Variants in PTPRC observed in about 807,000 individuals in gnomAD.
PTPRC encodes protein tyrosine phosphatase receptor type C.
A neutral mutation model predicts 155.9 loss-of-function variants in PTPRC; 44 were observed. The observed-to-expected ratio is 0.28, with a 90% CI of 0.22 to 0.36. The LOEUF is 0.36. Among genes scored for constraint, PTPRC ranks in the 10% least tolerant of loss-of-function variants. The pLI is 1.00. For missense variants in PTPRC, 1,401 were observed against 1,564.6 expected (o/e 0.90, Z 1.76); for synonymous variants, 525 against 533.1 (o/e 0.98, Z 0.21).
chr1:198,672,618 C>T (rs572612062), intron 2 of PTPRC, among the ~76,000 whole-genome samples: 10 of 151,540 alleles, frequency 6.6e-5, no homozygotes, highest in Admixed American at 2.6e-4. Flanking sequence ...TACAGGTGCA[C>T]GCCACCATGC....
rs777819751 is a variant in PTPRC at position 198,755,081 on chromosome 1, A to G, written c.3645+677A>G. 8.0e-4 allele frequency among the ~76,000 whole-genome samples: 121 copies of G among 152,116 alleles called. 1 individual carries two copies. The highest frequency in any genetic ancestry group is 2.0e-4 in the Admixed American group (3 of 15,250). ...AGGCCCAGGCTTAAAAGTGACACAC[A>G]TGTCTTCTTCTGTATGTTATTAGCC... On this transcript the variant is annotated intron_variant, in intron 32 of 32. Coordinates refer to ENST00000442510, the MANE Select transcript of PTPRC (RefSeq NM_002838.5).
intron 3 of PTPRC, among the ~76,000 whole-genome samples, chr1:198,693,701 G>A (rs1384037437): frequency 6.6e-6 from 1 of 152,206 alleles, no homozygotes; most frequent in Non-Finnish European, 1.5e-5. Flanking sequence ...CAAAGTGGAG[G>A]TTCAAGAACA....
At position 198,699,611 on chromosome 1, in the gene PTPRC, C is replaced by T; in HGVS notation, c.346C>T (p.Gln116Ter). ...TPHLPTHADSQTPSAGTDTQT... is the reference protein window; with the variant it reads ...TPHLPTHADS The stretch of plus-strand genomic sequence containing the variant: ...TCACCTTCCCACGCACGCAGACTCG[C>T]AGACGCCCTCTGCTGGAACTGACAC... The change falls in exon 5 of 33, where the codon CAG becomes TAG. Residue 116 changes from glutamine to a stop codon, truncating the protein, a stop_gained. Coordinates refer to ENST00000442510, the MANE Select transcript of PTPRC (RefSeq NM_002838.5). LOFTEE classifies it high-confidence loss of function. 6.2e-7 allele frequency: 1 copy of T among 1,614,228 alleles called. No individual in the cohort carries two copies. Among genetic ancestry groups the T allele is most frequent in the Non-Finnish European group, 8.5e-7 (1 of 1,180,038 alleles).
rs1653773353 is a variant in PTPRC, at chr1:198,719,501, T to G, written c.1659+1199T>G. ...TTTTTAAACAAATGTATCTGTCACTTTTATTCCTGTTAAATAGAAATTTCC... is the reference window on the plus strand; with the variant it reads ...TTTTTAAACAAATGTATCTGTCACTGTTATTCCTGTTAAATAGAAATTTCC... On this transcript the variant is annotated intron_variant, in intron 14 of 32. Transcript: ENST00000442510. Among the ~76,000 whole-genome samples, 3 of 152,214 alleles carry G rather than the reference T, an allele frequency of 2.0e-5. No homozygotes were observed. The South Asian group carries it at 6.2e-4, about 32-fold the overall frequency.
chr1:198,720,473 G>A (rs1310850285), intron 14 of PTPRC, among the ~76,000 whole-genome samples: 3 of 152,048 alleles, frequency 2.0e-5, no homozygotes, highest in Non-Finnish European at 4.4e-5. Flanking sequence ...GGGATTACAG[G>A]CATGCACCAC....
intron 29 of PTPRC, 89 bp downstream of exon 29, chr1:198,750,715 A>G: frequency 6.6e-7 from 1 of 1,511,354 alleles, no homozygotes; most frequent in South Asian, 1.1e-5. Context: ...CGCCATACCC[A>G]CGTCTTTTTT....
rs79980558 is a variant in PTPRC, at chr1:198,721,099, C to A, written c.1660-1317C>A. ...GGAGATAATTATTCAGTTTCGAATT[C>A]TCTTCCCCCAATCTTCAAAAGATGG... On this transcript the variant is annotated intron_variant, in intron 14 of 32. Coordinates refer to ENST00000442510, the MANE Select transcript of PTPRC (RefSeq NM_002838.5). Among the ~76,000 whole-genome samples the A allele has an allele frequency of 8.9e-4, 135 of 152,278 alleles. 1 individual carries two copies. The South Asian group carries it at 0.014, about 16-fold the overall frequency.
In PTPRC at chr1:198,752,337, A is replaced by G. The variant is rs779041130; in HGVS notation, c.3296A>G (p.Tyr1099Cys). ...DLKDTDKSSTYTLRVFELRHS... is the reference protein window; with the variant it reads ...DLKDTDKSSTCTLRVFELRHS... ...AAAGACACAGACAAATCTTCAACTT[A>G]TACCCTTCGTGTCTTTGAACTGAGA... is the stretch of plus-strand genomic sequence containing the variant. The change falls in exon 30 of 33, where the codon TAT becomes TGT. Residue 1099 changes from tyrosine (Y) to cysteine (C), a missense_variant. By Grantham distance (194) the Tyr-to-Cys change is radical. This residue lies in a region of PTPRC where 400 missense variants were observed against 389.5 expected (regional missense o/e 1.03). Coordinates refer to ENST00000442510, the MANE Select transcript of PTPRC (RefSeq NM_002838.5). 2.5e-6 allele frequency: 4 copies of G among 1,612,766 alleles called. No individual in the cohort carries two copies. The highest frequency in any genetic ancestry group is 2.5e-6 in the Non-Finnish European group (3 of 1,179,226).
At position 198,742,041 on chromosome 1, in the gene PTPRC, C is replaced by CAAAA. The variant is rs370217220; in HGVS notation, c.2561+24_2561+27dup. The CAAAA allele has an allele frequency of 5.1e-5, 68 of 1,337,808 alleles. No individual in the cohort carries two copies. The African/African-American group carries it at 9.8e-4, about 19-fold the overall frequency. 82.9% of individuals were successfully genotyped at this position (1,337,808 alleles called of 1,614,324 possible). ...GTGCACTGCAGGTAGGAAAAACGAA[C>CAAAA]AAAAAAAAAAAACAACAACAAAAAA... On this transcript the variant is annotated intron_variant, in intron 24 of 32. Transcript: ENST00000442510.
intron 5 of PTPRC, among the ~76,000 whole-genome samples, chr1:198,701,976 C>T (rs952619290): frequency 3.9e-5 from 6 of 152,228 alleles, no homozygotes; most frequent in Non-Finnish European, 7.3e-5. Flanking sequence ...AGTTGCACTT[C>T]CTCCTGTGCC....
Position 198,692,701 on chromosome 1 carries a change from A to G in PTPRC, c.100+328A>G, listed in dbSNP as rs1055645735. On this transcript the variant is annotated intron_variant, in intron 3 of 32. Transcript: ENST00000442510. Reference sequence around the variant, plus strand: ...AAAAATGCATTTAAATTAGATAACAAAATTTTATAGTCTGAAAGCAGGTTA... The same window carrying G: ...AAAAATGCATTTAAATTAGATAACAGAATTTTATAGTCTGAAAGCAGGTTA... The G allele has an allele frequency of 2.7e-5, 25 of 932,594 alleles. 1 individual carries two copies. In the South Asian group the frequency reaches 1.2e-3, roughly 44 times the overall value. 57.8% of individuals were successfully genotyped at this position (932,594 alleles called of 1,614,324 possible).
intron 7 of PTPRC, among the ~76,000 whole-genome samples, chr1:198,704,111 T>A (rs1666607069): frequency 6.6e-6 from 1 of 152,198 alleles, no homozygotes; most frequent in Non-Finnish European, 1.5e-5. Context: ...ATGGGGGTTA[T>A]AATTATATAA....
chr1:198,650,477 T>A (rs191462883), intron 2 of PTPRC, among the ~76,000 whole-genome samples: 56 of 151,978 alleles, frequency 3.7e-4, no homozygotes, highest in Admixed American at 5.9e-4. Context: ...AGTGGCTGCA[T>A]GGAAAAGACA....
At chr1:198,679,720 C>T (rs565857770) in intron 2 of PTPRC, 2 of 387,670 alleles carry the variant, frequency 5.2e-6, no homozygotes, top group Non-Finnish European at 4.8e-6. Context: ...TCCGGAGGCC[C>T]GAGCCCACGT....
rs1571896551 is a variant in PTPRC at position 198,752,662 on chromosome 1, A to G, written c.3399A>G (p.Glu1133=). The stretch of plus-strand genomic sequence containing the variant: ...GGAGTGTGGAGCAGCTTCCTGCAGA[A>G]CCCAAGGAATTAATCTCTATGATTC... The part of the protein sequence containing the change: ...TNWSVEQLPA[E]PKELISMIQV... Residue 1133 remains glutamate (E), a synonymous_variant, in exon 31 of 33, where the codon GAA becomes GAG. Coordinates refer to ENST00000442510, the MANE Select transcript of PTPRC (RefSeq NM_002838.5). The G allele has an allele frequency of 3.1e-6, 5 of 1,612,798 alleles. No individual in the cohort carries two copies. The highest frequency in any genetic ancestry group is 4.2e-6 in the Non-Finnish European group (5 of 1,179,254).
intron 14 of PTPRC, 101 bp from the exon 15 acceptor site, chr1:198,722,315 A>G: frequency 1.9e-6 from 1 of 536,556 alleles, no homozygotes; most frequent in African/African-American, 2.0e-5. Flanking sequence ...GCATGGTATG[A>G]AAGATAATAT....
rs548874263 is a variant in PTPRC, at chr1:198,721,120, G to T, written c.1660-1296G>T. On this transcript the variant is annotated intron_variant, in intron 14 of 32. Coordinates refer to ENST00000442510, the MANE Select transcript of PTPRC (RefSeq NM_002838.5). ...AATTCTCTTCCCCCAATCTTCAAAA[G>T]ATGGTTTTTGTTTTCTTTATTATAC... Among the ~76,000 whole-genome samples, 2 of 152,278 alleles carry T rather than the reference G, an allele frequency of 1.3e-5. 1 individual carries two copies. Among genetic ancestry groups the T allele is most frequent in the African/African-American group, 4.8e-5 (2 of 41,554 alleles).
chr1:198,662,496 A>G, intron 2 of PTPRC, among the ~76,000 whole-genome samples: 1 of 151,524 alleles, frequency 6.6e-6, no homozygotes, highest in East Asian at 1.9e-4. Context: ...GTGTGTATAA[A>G]CATGAGACCA....
intron 25 of PTPRC, among the ~76,000 whole-genome samples, chr1:198,742,869 T>C (rs1654966554): frequency 6.6e-6 from 1 of 151,718 alleles, no homozygotes; most frequent in Non-Finnish European, 1.5e-5. Context: ...CACAGACTTA[T>C]AACCACAAAA....
Sources: allele counts gnomAD v4.1 joint callset (sites outside exome capture counted in the v4.1 genomes callset), GRCh38; gene constraint gnomAD v4.1.1; regional missense constraint gnomAD v4.1.1; transcripts MANE v1.5; gene names NCBI Gene and HGNC (gene_info 2026-07-23, HGNC 2026-07-21).